Variants in HERC3 observed in about 807,000 individuals in gnomAD.
The protein encoded by HERC3 is HECT and RLD domain containing E3 ubiquitin protein ligase 3, also known as probable E3 ubiquitin-protein ligase HERC3.
In HERC3, 58 loss-of-function variants were observed where a neutral mutation model predicts 129.9. The observed-to-expected ratio is 0.45, with a 90% CI of 0.36 to 0.56. HERC3 has a LOEUF of 0.56. Among genes scored for constraint, HERC3 ranks in the 20% least tolerant of loss-of-function variants. HERC3 has a pLI of 0.00. For missense variants in HERC3, 835 were observed against 1,244.2 expected (o/e 0.67, Z 4.95); for synonymous variants, 430 against 451.0 (o/e 0.95, Z 0.59).
chr4:88,627,904 CAAAAAAAAAA>C (rs60358778), intron 3 of HERC3, among the ~76,000 whole-genome samples: 2 of 80,934 alleles, frequency 2.5e-5, no homozygotes, highest in East Asian at 2.6e-4. Flanking sequence ...AACTCCGTCT[CAAAAAAAAAA>C]AAAAAAAAAA....
At chr4:88,661,321 T>A (rs1730469346) in intron 10 of HERC3, among the ~76,000 whole-genome samples, 1 of 152,224 alleles carries the variant, frequency 6.6e-6, no homozygotes, top group African/African-American at 2.4e-5. Context: ...GTAGAATAGT[T>A]ATCAATAACC....
chr4:88,649,850 A>G lies in HERC3; in HGVS notation c.237A>G (p.Gly79=). Residue 79 remains glycine, a synonymous_variant, in exon 4 of 26, where the codon GGA becomes GGG. Coordinates refer to ENST00000402738, the MANE Select transcript of HERC3 (RefSeq NM_014606.3). ...EREGNKPEQI[G]ALADQHIIHV... is the part of the protein sequence containing the mutation. ...ATTTGTCTCTTTCAGAACAAATTGG[A>G]GCTCTGGCAGATCAGCATATCATTC... The G allele has an allele frequency of 1.2e-6, 2 of 1,613,542 alleles. No homozygotes were observed. Among genetic ancestry groups the G allele is most frequent in the Admixed American group, 1.7e-5 (1 of 59,988 alleles).
intron 23 of HERC3, chr4:88,690,423 C>T (rs1733958098): frequency 1.0e-6 from 1 of 985,048 alleles, no homozygotes; most frequent in Non-Finnish European, 1.2e-6. Flanking sequence ...CATACGTAAC[C>T]TTTAGTCTTT....
intron 3 of HERC3, among the ~76,000 whole-genome samples, chr4:88,645,540 C>T (rs1728598482): frequency 6.6e-6 from 1 of 151,930 alleles, no homozygotes. Flanking sequence ...GGGATGTGTT[C>T]CAAGACCCCC....
chr4:88,685,710 T>C (rs1313611417), intron 21 of HERC3, among the ~76,000 whole-genome samples: 2 of 152,228 alleles, frequency 1.3e-5, no homozygotes, highest in East Asian at 3.9e-4. Flanking sequence ...AGCACATGTA[T>C]ACCTATGTAA....
In HERC3 at chr4:88,679,522, C is replaced by CT. The variant is rs35403047; in HGVS notation, c.2197-556dup. Among the ~76,000 whole-genome samples the CT allele has an allele frequency of 7.7e-3, 1,078 of 139,788 alleles. 5 individuals are homozygous for CT. The highest frequency in any genetic ancestry group is 0.018 in the Middle Eastern group (5 of 276). The allele number at this position is 139,788 out of a possible 152,430, so 91.7% of individuals were successfully genotyped here. A position where few individuals can be genotyped will look rare whatever the true frequency, so the allele number is the denominator to read the frequency against. On this transcript the variant is annotated intron_variant, in intron 19 of 25. Transcript: ENST00000402738. The stretch of plus-strand genomic sequence containing the variant: ...TTCTGCGCTTAAGTAGATGGTAGAC[C>CT]TTTTTTTTTTTTTTTGTCGGAGTTT...
chr4:88,524,573 A>G, the HERC3 span, among the ~76,000 whole-genome samples: 1 of 152,208 alleles, frequency 6.6e-6, no homozygotes. Context: ...TTCCCTGTCC[A>G]CAATTAGTAG....
intron 21 of HERC3, chr4:88,684,934 A>G (rs1035061727): frequency 6.6e-6 from 1 of 152,320 alleles, no homozygotes; most frequent in African/African-American, 2.4e-5. Flanking sequence ...ATTTTAGTAT[A>G]TGTGCTGCTG....
rs751761470 is a variant in HERC3 at position 88,704,218 on chromosome 4, G to T, written c.2778G>T (p.Gln926His). Reference protein sequence around the residue: ...VCGGKVLELFQPSELRAMMVG... With the variant: ...VCGGKVLELFHPSELRAMMVG... ...GTGGCAAAGTACTTGAGCTCTTCCA[G>T]CCTTCAGAACTGAGGGCTATGATGG... The change falls in exon 24 of 26, where the codon CAG becomes CAT. Residue 926 changes from glutamine to histidine, a missense_variant. Coordinates refer to ENST00000402738, the MANE Select transcript of HERC3 (RefSeq NM_014606.3). The T allele has an allele frequency of 3.1e-6, 5 of 1,614,016 alleles. No individual in the cohort carries two copies. In the East Asian group the frequency reaches 1.1e-4, roughly 36 times the overall value.
intron 3 of HERC3, among the ~76,000 whole-genome samples, chr4:88,630,300 A>G (rs1242986782): frequency 6.6e-6 from 1 of 152,278 alleles, no homozygotes; most frequent in East Asian, 1.9e-4. Context: ...GAAACAGTTT[A>G]TGTTTCCCCC....
intron 12 of HERC3, among the ~76,000 whole-genome samples, chr4:88,666,723 A>G (rs1731085674): frequency 6.6e-6 from 1 of 152,248 alleles, no homozygotes; most frequent in African/African-American, 2.4e-5. Context: ...CTAAGTCTCA[A>G]AAATGCTAAG....
chr4:88,670,091 T>A, intron 15 of HERC3, 48 bp from the exon 16 acceptor site: 1 of 1,596,594 alleles, frequency 6.3e-7, no homozygotes, highest in Non-Finnish European at 8.6e-7. Flanking sequence ...TAGTGAGATG[T>A]TCTCTGGGAA....
At chr4:88,527,751 G>T in the HERC3 span, 2 of 316,826 alleles carry the variant, frequency 6.3e-6, no homozygotes, top group Non-Finnish European at 6.2e-6. Flanking sequence ...ACAGGTGCCT[G>T]CTTATGTCCT....
chr4:88,596,799 C>G (rs1262709295), intron 2 of HERC3, among the ~76,000 whole-genome samples: 1 of 152,206 alleles, frequency 6.6e-6, no homozygotes, highest in African/African-American at 2.4e-5. Flanking sequence ...CCCTCTATTC[C>G]TACTGCCTCC....
chr4:88,661,687 A>G (rs1354576296), intron 10 of HERC3, among the ~76,000 whole-genome samples: 1 of 152,214 alleles, frequency 6.6e-6, no homozygotes, highest in African/African-American at 2.4e-5. Flanking sequence ...TGAATAAAAG[A>G]TGTACAGTGT....
intron 10 of HERC3, among the ~76,000 whole-genome samples, chr4:88,660,923 CA>C (rs1456810786): frequency 1.3e-5 from 2 of 152,140 alleles, no homozygotes; most frequent in African/African-American, 4.8e-5. Context: ...AAAGTCCAGC[CA>C]AAGTTGAGAA....
rs200714616 is a variant in HERC3, at chr4:88,664,229, C to G, written c.1331+17C>G. ...TGAAAAAAAGTAAGTGACTTAGAGC[C>G]TTAAAAAACCCTCACGTGTACCTGT... On this transcript the variant is annotated intron_variant, in intron 12 of 25. Coordinates refer to ENST00000402738, the MANE Select transcript of HERC3 (RefSeq NM_014606.3). 21 of 1,602,430 alleles carry G rather than the reference C, an allele frequency of 1.3e-5. No homozygotes were observed. In the East Asian group the frequency reaches 4.7e-4, roughly 36 times the overall value.
At chr4:88,647,490 C>A (rs1176773783) in intron 3 of HERC3, among the ~76,000 whole-genome samples, 1 of 152,020 alleles carries the variant, frequency 6.6e-6, no homozygotes, top group East Asian at 1.9e-4. Flanking sequence ...GGAGTCTGAG[C>A]CACCTGGGCT....
chr4:88,561,825 G>A, the HERC3 span, among the ~76,000 whole-genome samples: 1 of 152,162 alleles, frequency 6.6e-6, no homozygotes, highest in African/African-American at 2.4e-5. Flanking sequence ...CATCCATGCT[G>A]TTGTAAATGA....
Sources: gnomAD v4.1 joint callset for allele counts (sites outside exome capture counted in the v4.1 genomes callset) on GRCh38, gnomAD v4.1.1 for gene constraint, MANE v1.5 for transcripts, NCBI Gene and HGNC (gene_info 2026-07-23, HGNC 2026-07-21) for gene names.